CAMKMT: variants seen among roughly 807,000 people sequenced by gnomAD.
The protein encoded by CAMKMT is calmodulin-lysine N-methyltransferase.
A neutral mutation model predicts 48.0 loss-of-function variants in CAMKMT; 53 were observed. That is an observed-to-expected ratio of 1.10 (90% CI 0.89 to 1.39). The LOEUF (loss-of-function observed/expected upper bound fraction) is 1.39, where lower values mean the gene tolerates loss of function less well. Ranked by LOEUF, CAMKMT falls within the 40% of genes most tolerant of loss-of-function variation. The pLI is 0.00. For synonymous variants in CAMKMT, 165 were observed against 152.3 expected (o/e 1.08, Z -0.61); for missense variants, 428 against 402.7 (o/e 1.06, Z -0.54).
intron 6 of CAMKMT, among the ~76,000 whole-genome samples, chr2:44,713,123 G>C (rs1330557624): frequency 2.0e-5 from 3 of 152,028 alleles, no homozygotes; most frequent in African/African-American, 7.2e-5. Flanking sequence ...GCTTCAGCCT[G>C]ACCACCTGGA....
intron 3 of CAMKMT, among the ~76,000 whole-genome samples, chr2:44,458,907 T>C (rs969659287): frequency 1.3e-5 from 2 of 152,212 alleles, no homozygotes; most frequent in Non-Finnish European, 2.9e-5. Context: ...CTACTTGGGA[T>C]AGAAGGACTC....
At chr2:44,655,631 A>G in intron 3 of CAMKMT, among the ~76,000 whole-genome samples, 1 of 152,236 alleles carries the variant, frequency 6.6e-6, no homozygotes, top group Non-Finnish European at 1.5e-5. Flanking sequence ...ATGATTATCC[A>G]GGCAAGGCCA....
At chr2:44,619,838 G>A (rs1171892965) in intron 3 of CAMKMT, among the ~76,000 whole-genome samples, 4 of 152,172 alleles carry the variant, frequency 2.6e-5, no homozygotes, top group Non-Finnish European at 1.5e-5. Context: ...ATGATGATAT[G>A]TAGGAAATAA....
intron 3 of CAMKMT, among the ~76,000 whole-genome samples, chr2:44,592,870 A>G (rs1468007376): frequency 2.6e-5 from 4 of 152,192 alleles, no homozygotes; most frequent in Non-Finnish European, 5.9e-5. Context: ...TTCAACTGGC[A>G]TTTCAGAATA....
chr2:44,656,125 G>A (rs980562131), intron 3 of CAMKMT, among the ~76,000 whole-genome samples: 2 of 152,172 alleles, frequency 1.3e-5, no homozygotes, highest in Admixed American at 1.3e-4. Flanking sequence ...TGTGAAAAGA[G>A]CTCTTTCTGA....
At chr2:44,586,020 C>A (rs1365607743) in intron 3 of CAMKMT, among the ~76,000 whole-genome samples, 1 of 152,136 alleles carries the variant, frequency 6.6e-6, no homozygotes, top group Non-Finnish European at 1.5e-5. Flanking sequence ...TCTAAATATA[C>A]AAGAAGATAA....
chr2:44,470,994 C>CTT (rs11362559), intron 3 of CAMKMT, among the ~76,000 whole-genome samples: 31 of 74,916 alleles, frequency 4.1e-4, no homozygotes, highest in African/African-American at 7.7e-4. Flanking sequence ...CTCTCTCTCT[C>CTT]TTTTTTTTTT....
chr2:44,650,670 A>T (rs1315160721), intron 3 of CAMKMT, among the ~76,000 whole-genome samples: 2 of 152,218 alleles, frequency 1.3e-5, no homozygotes, highest in Non-Finnish European at 2.9e-5. Flanking sequence ...ATTTAGAAGA[A>T]AGTTTAAAAA....
At chr2:44,431,950 G>A (rs541675510) in intron 3 of CAMKMT, among the ~76,000 whole-genome samples, 1 of 152,150 alleles carries the variant, frequency 6.6e-6, no homozygotes, top group Non-Finnish European at 1.5e-5. Flanking sequence ...CACTTTCAGA[G>A]CAAGCTTTGT....
At position 44,364,626 on chromosome 2, in the gene CAMKMT, G is replaced by T. The variant is rs139771097; in HGVS notation, c.138+2481G>T. On this transcript the variant is annotated intron_variant, in intron 1 of 10. Coordinates refer to ENST00000378494, the MANE Select transcript of CAMKMT (RefSeq NM_024766.5). ...AGAGTAAGGACAGTCTTTAAGTGGC[G>T]CATAGCACCTAGTCCTTAGTGTATT... is the stretch of plus-strand genomic sequence containing the variant. 4.7e-4 allele frequency among the ~76,000 whole-genome samples: 72 copies of T among 152,274 alleles called. 1 individual carries two copies. The East Asian group carries it at 0.012, about 26-fold the overall frequency.
chr2:44,690,865 G>C (rs1288039096), intron 3 of CAMKMT, among the ~76,000 whole-genome samples: 3 of 151,878 alleles, frequency 2.0e-5, no homozygotes, highest in Non-Finnish European at 4.4e-5. Context: ...AATCCCAGCT[G>C]TTCAGGAGGC....
intron 3 of CAMKMT, among the ~76,000 whole-genome samples, chr2:44,688,126 GTTGT>G (rs1373257888): frequency 6.6e-6 from 1 of 151,914 alleles, no homozygotes; most frequent in Non-Finnish European, 1.5e-5. Flanking sequence ...TTTTCCCAGT[GTTGT>G]TTAATTTTTA....
At chr2:44,410,780 C>A (rs1250984623) in intron 3 of CAMKMT, among the ~76,000 whole-genome samples, 1 of 152,048 alleles carries the variant, frequency 6.6e-6, no homozygotes, top group Admixed American at 6.5e-5. Flanking sequence ...AATGGGATAG[C>A]AATATACCCA....
At chr2:44,765,055 T>C (rs1192768205) in intron 9 of CAMKMT, among the ~76,000 whole-genome samples, 1 of 151,926 alleles carries the variant, frequency 6.6e-6, no homozygotes, top group Non-Finnish European at 1.5e-5. Flanking sequence ...AAACCCCATC[T>C]CGACTAAAAA....
chr2:44,375,306 A>G (rs1679572596), intron 2 of CAMKMT, among the ~76,000 whole-genome samples: 1 of 151,872 alleles, frequency 6.6e-6, no homozygotes, highest in Non-Finnish European at 1.5e-5. Context: ...AGTAATGATG[A>G]TTGAAAAAAA....
intron 3 of CAMKMT, among the ~76,000 whole-genome samples, chr2:44,581,613 G>A (rs539311957): frequency 3.3e-5 from 5 of 152,298 alleles, no homozygotes; most frequent in African/African-American, 1.2e-4. Flanking sequence ...ACATTCCAAA[G>A]CCCAAGGTCT....
At position 44,631,741 on chromosome 2, in the gene CAMKMT, T is replaced by C. The variant is rs1404791241; in HGVS notation, c.377-72542T>C. The C allele has an allele frequency of 1.3e-5, 5 of 379,902 alleles. 1 individual carries two copies. Among genetic ancestry groups the C allele is most frequent in the Middle Eastern group, 7.8e-4 (2 of 2,580 alleles). 23.5% of individuals were successfully genotyped at this position (379,902 alleles called of 1,614,324 possible). A position where few individuals can be genotyped will look rare whatever the true frequency, so the allele number is the denominator to read the frequency against. On this transcript the variant is annotated intron_variant, in intron 3 of 10. Transcript: ENST00000378494. The stretch of plus-strand genomic sequence containing the variant: ...GTTATGTTTAAGTTTACTATCTTGC[T>C]ATTTGTTTTCTGTTTGTCTTTTTTG...
intron 3 of CAMKMT, among the ~76,000 whole-genome samples, chr2:44,460,897 A>G (rs543775424): frequency 6.7e-4 from 102 of 151,560 alleles, no homozygotes; most frequent in Non-Finnish European, 1.3e-4. Flanking sequence ...TAATTTTTGT[A>G]CTTTTGGTAA....
intron 3 of CAMKMT, among the ~76,000 whole-genome samples, chr2:44,527,088 GT>G (rs35522958): frequency 0.072 from 9,343 of 130,528 alleles, 386 homozygotes; most frequent in Admixed American, 0.12. Flanking sequence ...ACCACCCCCA[GT>G]TTTTTTTTTT....
Sources: gnomAD v4.1 joint callset for allele counts (sites outside exome capture counted in the v4.1 genomes callset) on GRCh38, gnomAD v4.1.1 for gene constraint, MANE v1.5 for transcripts, NCBI Gene and HGNC (gene_info 2026-07-23, HGNC 2026-07-21) for gene names.